ORAI2: variants seen among roughly 807,000 people sequenced by gnomAD.
ORAI2 encodes the protein protein orai-2.
ORAI2 carries 10 observed loss-of-function variants against 16.2 expected under a neutral mutation model. The ratio of observed to expected loss-of-function variants is 0.62; its 90% CI spans 0.38 to 1.04. The LOEUF (loss-of-function observed/expected upper bound fraction) is 1.04, where lower values mean the gene tolerates loss of function less well. Ranked by LOEUF, ORAI2 falls within the 50% of genes least tolerant of loss-of-function variation. The pLI is 0.01. For missense variants in ORAI2, 238 were observed against 355.5 expected, an observed-to-expected ratio of 0.67 and a Z score of 2.66; for synonymous variants, 150 against 157.5, an observed-to-expected ratio of 0.95 and a Z score of 0.35.
At chr7:102,439,728 C>T (rs1184361603) in intron 3 of ORAI2, among the ~76,000 whole-genome samples, 2 of 151,914 alleles carry the variant, frequency 1.3e-5, no homozygotes, top group African/African-American at 4.8e-5. Context: ...CACACGACTG[C>T]ACTCCAGCCT....
At chr7:102,441,552 A>G (rs1197388617) in intron 3 of ORAI2, among the ~76,000 whole-genome samples, 1 of 150,580 alleles carries the variant, frequency 6.6e-6, no homozygotes, top group Non-Finnish European at 1.5e-5. Flanking sequence ...AAAAAAAAAA[A>G]GAAAAAAAAA....
chr7:102,445,545 G>A (rs1672055199), intron 3 of ORAI2, among the ~76,000 whole-genome samples: 1 of 152,092 alleles, frequency 6.6e-6, no homozygotes. Flanking sequence ...TTATCTCCCG[G>A]GTTCAAGCGA....
intron 3 of ORAI2, among the ~76,000 whole-genome samples, chr7:102,440,539 G>A (rs950003915): frequency 2.0e-5 from 3 of 151,368 alleles, no homozygotes; most frequent in African/African-American, 7.4e-5. Context: ...TTTGTTTTTT[G>A]TTTTGTTTTT....
At chr7:102,436,175 T>C (rs1797054463) in intron 1 of ORAI2, 50 bp from the exon 2 acceptor site, 1 of 292,036 alleles carries the variant, frequency 3.4e-6, no homozygotes, top group African/African-American at 2.3e-5. Flanking sequence ...CATTTTCTAT[T>C]ATGTGGAGCT....
chr7:102,444,989 A>G (rs1279375578), intron 3 of ORAI2, among the ~76,000 whole-genome samples: 1 of 108,900 alleles, frequency 9.2e-6, no homozygotes, highest in East Asian at 3.0e-4. Flanking sequence ...CAAGACACCA[A>G]GCAGAGCCTG....
At chr7:102,443,340 G>A (rs1797266730) in intron 3 of ORAI2, among the ~76,000 whole-genome samples, 1 of 146,628 alleles carries the variant, frequency 6.8e-6, no homozygotes, top group Non-Finnish European at 1.5e-5. Context: ...GTGCAGTGGC[G>A]CGATCTCGGC....
chr7:102,439,313 C>G (rs1040489482), intron 3 of ORAI2, 132 bp downstream of exon 3: 3 of 743,094 alleles, frequency 4.0e-6, no homozygotes, highest in Non-Finnish European at 6.7e-6. Context: ...GAAGCATCCA[C>G]CCACGTCCCA....
In ORAI2 at chr7:102,443,274, CT is replaced by C. The variant is rs1336293014; in HGVS notation, c.226-3221del. ...GCCACCTCACTCAGCCCCTTTTCTC[CT>C]TTTTTTTTTTTTTTTTTGAGACGGA... is the stretch of plus-strand genomic sequence containing the variant. On this transcript the variant is annotated intron_variant, in intron 3 of 3. Transcript: ENST00000495936. 9.2e-3 allele frequency among the ~76,000 whole-genome samples: 1,200 copies of C among 129,964 alleles called. 27 individuals carry two copies. Among genetic ancestry groups the C allele is most frequent in the African/African-American group, 0.03 (1,034 of 34,982 alleles). 85.3% of individuals were successfully genotyped at this position (129,964 alleles called of 152,430 possible).
intron 1 of ORAI2, chr7:102,434,853 C>G (rs947037589): frequency 4.6e-5 from 7 of 152,310 alleles, no homozygotes; most frequent in African/African-American, 1.4e-4. Context: ...GCCAGTCTTC[C>G]CTCCATATCT....
intron 3 of ORAI2, among the ~76,000 whole-genome samples, chr7:102,441,342 C>A (rs929412647): frequency 6.0e-5 from 9 of 150,520 alleles, no homozygotes; most frequent in Non-Finnish European, 7.4e-5. Context: ...GAGTTCGAGA[C>A]CAGCCTGGCC....
chr7:102,435,078 T>A, intron 1 of ORAI2, among the ~76,000 whole-genome samples: 1 of 152,000 alleles, frequency 6.6e-6, no homozygotes, highest in East Asian at 1.9e-4. Flanking sequence ...TAGACCAGCC[T>A]GGCCAACATA....
intron 3 of ORAI2, among the ~76,000 whole-genome samples, chr7:102,445,168 C>T (rs948911373): frequency 2.6e-5 from 4 of 152,244 alleles, no homozygotes; most frequent in African/African-American, 9.6e-5. Context: ...CCGGCTCTCA[C>T]TGGGCTTTTG....
chr7:102,451,887 C>G lies in ORAI2; in HGVS notation c.*4835C>G, dbSNP rs1371802297. 6.6e-6 allele frequency: 1 copy of G among 152,322 alleles called. No homozygotes were observed. Among genetic ancestry groups the G allele is most frequent in the Non-Finnish European group, 1.5e-5 (1 of 68,118 alleles). 9.4% of individuals were successfully genotyped at this position (152,322 alleles called of 1,614,324 possible). A position where few individuals can be genotyped will look rare whatever the true frequency, so the allele number is the denominator to read the frequency against. Reference sequence around the variant, plus strand: ...GAGCGCAGGGTGCCTCTGCCTGGCGCTTCCCCTCCCAGACAGGGCCCTCTC... The same window carrying G: ...GAGCGCAGGGTGCCTCTGCCTGGCGGTTCCCCTCCCAGACAGGGCCCTCTC... On this transcript the variant is annotated 3_prime_UTR_variant, in exon 4 of 4. Coordinates refer to ENST00000495936, the MANE Select transcript of ORAI2 (RefSeq NM_001126340.3).
At chr7:102,435,252 C>A (rs183197128) in intron 1 of ORAI2, among the ~76,000 whole-genome samples, 4 of 152,298 alleles carry the variant, frequency 2.6e-5, no homozygotes, top group African/African-American at 9.6e-5. Flanking sequence ...GCCTTGGTAA[C>A]ACAGCAGGAC....
Position 102,455,012 on chromosome 7 carries a change from A to G in ORAI2, c.*7960A>G, listed in dbSNP as rs985659310. 1 of 152,526 alleles carries G rather than the reference A, an allele frequency of 6.6e-6. No homozygotes were observed. Among genetic ancestry groups the G allele is most frequent in the African/African-American group, 2.4e-5 (1 of 41,350 alleles). The allele number at this position is 152,526 out of a possible 1,614,324, so 9.4% of individuals were successfully genotyped here. On this transcript the variant is annotated 3_prime_UTR_variant, in exon 4 of 4. Coordinates refer to ENST00000495936, the MANE Select transcript of ORAI2 (RefSeq NM_001126340.3). ...GGCAACATAGCAAGACTCTATCTCC[A>G]CTAAAAATCAAAACAAAACAATTAG... is the stretch of plus-strand genomic sequence containing the variant.
chr7:102,439,272 C>G (rs1797136418), intron 3 of ORAI2, 91 bp downstream of exon 3: 6 of 1,081,340 alleles, frequency 5.5e-6, no homozygotes, highest in Non-Finnish European at 8.2e-6. Flanking sequence ...AGCCTTCCCT[C>G]CAGTCTCTGG....
At chr7:102,442,991 G>T (rs1005368862) in intron 3 of ORAI2, among the ~76,000 whole-genome samples, 2 of 150,282 alleles carry the variant, frequency 1.3e-5, no homozygotes, top group Non-Finnish European at 3.0e-5. Flanking sequence ...CTGCACTCCA[G>T]CCTGGGCAAC....
rs1290305649 is a variant in ORAI2, at chr7:102,448,855, C to G, written c.*1803C>G. On this transcript the variant is annotated 3_prime_UTR_variant, in exon 4 of 4. Transcript: ENST00000495936. ...TGAGATCACGCCATTGCACTACAGC[C>G]TGGGCAACAAGAGCGAAACTTTGTC... 1 of 149,726 alleles carries G rather than the reference C, an allele frequency of 6.7e-6. No individual in the cohort carries two copies. The highest frequency in any genetic ancestry group is 2.5e-5 in the African/African-American group (1 of 40,626). The allele number at this position is 149,726 out of a possible 1,614,324, so 9.3% of individuals were successfully genotyped here.
intron 3 of ORAI2, among the ~76,000 whole-genome samples, chr7:102,444,400 G>A (rs950208041): frequency 3.3e-5 from 5 of 151,224 alleles, no homozygotes; most frequent in African/African-American, 9.7e-5. Flanking sequence ...TTACAGGCAC[G>A]AGCCACCATG....
Sources: allele counts gnomAD v4.1 joint callset (sites outside exome capture counted in the v4.1 genomes callset), GRCh38; gene constraint gnomAD v4.1.1; transcripts MANE v1.5; gene names NCBI Gene and HGNC (gene_info 2026-07-23, HGNC 2026-07-21).